MMP16: variants seen among roughly 807,000 people sequenced by gnomAD.
MMP16 encodes the protein matrix metalloproteinase-16.
A neutral mutation model predicts 67.8 loss-of-function variants in MMP16; 12 were observed. That is an observed-to-expected ratio of 0.18 (90% CI 0.11 to 0.29). The LOEUF is 0.29. MMP16 is among the 10% of genes least tolerant of loss of function. The pLI is 1.00. For synonymous variants in MMP16, 249 were observed against 255.9 expected (o/e 0.97, Z 0.26); for missense variants, 475 against 765.7 (o/e 0.62, Z 4.48).
intron 7 of MMP16, among the ~76,000 whole-genome samples, chr8:88,065,363 T>C (rs993556305): frequency 6.6e-6 from 1 of 152,066 alleles, no homozygotes; most frequent in Non-Finnish European, 1.5e-5. Flanking sequence ...AAAATAGACA[T>C]AATAAAACTA....
chr8:88,182,305 A>G (rs1268624209), intron 3 of MMP16, among the ~76,000 whole-genome samples: 1 of 152,170 alleles, frequency 6.6e-6, no homozygotes, highest in Non-Finnish European at 1.5e-5. Flanking sequence ...CAAGCAAGTC[A>G]GTTAAAAATT....
chr8:88,065,632 T>TA (rs28991892), intron 7 of MMP16, among the ~76,000 whole-genome samples: 193 of 152,222 alleles, frequency 1.3e-3, no homozygotes, highest in Middle Eastern at 0.01. Context: ...TTACATCCTA[T>TA]AAAGAAATAA....
In MMP16 at chr8:88,174,614, A is replaced by T. The variant is rs578205379; in HGVS notation, c.405-6641T>A. Among the ~76,000 whole-genome samples, 4 of 152,250 alleles carry T rather than the reference A, an allele frequency of 2.6e-5. No individual in the cohort carries two copies. The East Asian group carries it at 7.7e-4, about 29-fold the overall frequency. ...ATTTTCCAATCATTTAAAACATTAG[A>T]TTTTTCTGAAAGCCTTTAACAATTT... On this transcript the variant is annotated intron_variant, in intron 3 of 9. Coordinates refer to ENST00000286614, the MANE Select transcript of MMP16 (RefSeq NM_005941.5).
intron 4 of MMP16, among the ~76,000 whole-genome samples, chr8:88,126,061 T>C (rs1807925649): frequency 6.6e-6 from 1 of 151,916 alleles, no homozygotes; most frequent in Non-Finnish European, 1.5e-5. Flanking sequence ...ATCCTGGTAA[T>C]ATGTGCCACT....
Position 88,240,770 on chromosome 8 carries a change from A to C in MMP16, c.133-43464T>G, listed in dbSNP as rs192686912. On this transcript the variant is annotated intron_variant, in intron 1 of 9. Coordinates refer to ENST00000286614, the MANE Select transcript of MMP16 (RefSeq NM_005941.5). ...AAAATATCCTCTTATCATTAGTTCC[A>C]CATCTAGTATCTAAAATTACCTATT... 4.9e-3 allele frequency among the ~76,000 whole-genome samples: 742 copies of C among 152,072 alleles called. 3 individuals are homozygous for C. Among genetic ancestry groups the C allele is most frequent in the Non-Finnish European group, 6.2e-3 (420 of 67,992 alleles).
Position 88,033,253 on chromosome 8 carries a change from C to G in MMP16, c.*8208G>C, listed in dbSNP as rs1398474567. 1.3e-5 allele frequency: 2 copies of G among 150,026 alleles called. No individual in the cohort carries two copies. The allele number at this position is 150,026 out of a possible 1,614,324, so 9.3% of individuals were successfully genotyped here. On this transcript the variant is annotated 3_prime_UTR_variant, in exon 10 of 10. Coordinates refer to ENST00000286614, the MANE Select transcript of MMP16 (RefSeq NM_005941.5). ...AAATATATGGTATTTATTTGACAAA[C>G]TAAGTTTATGGGAGCTTTTTCTCCT...
intron 1 of MMP16, among the ~76,000 whole-genome samples, chr8:88,246,120 C>T (rs996465925): frequency 2.6e-5 from 4 of 152,034 alleles, no homozygotes; most frequent in Admixed American, 6.6e-5. Context: ...ATCCAATCTC[C>T]GTATGTGACA....
chr8:88,326,041 T>C (rs924518448), intron 1 of MMP16, among the ~76,000 whole-genome samples: 7 of 152,144 alleles, frequency 4.6e-5, no homozygotes, highest in Admixed American at 1.3e-4. Flanking sequence ...ATATCAACAA[T>C]ATAAGAAAAA....
At position 88,327,317 on chromosome 8, in the gene MMP16, G is replaced by A; in HGVS notation, c.-111C>T. ...AAAAAGTCCTCCGGGTGGGTAAGGA[G>A]CCTGCAGGTTCACCCACAGCCGGGC... On this transcript the variant is annotated 5_prime_UTR_variant, in exon 1 of 10. Coordinates refer to ENST00000286614, the MANE Select transcript of MMP16 (RefSeq NM_005941.5). 1 of 1,450,846 alleles carries A rather than the reference G, an allele frequency of 6.9e-7. No individual in the cohort carries two copies. The highest frequency in any genetic ancestry group is 1.2e-5 in the South Asian group (1 of 82,144). The allele number at this position is 1,450,846 out of a possible 1,614,324, so 89.9% of individuals were successfully genotyped here.
At chr8:88,239,287 G>A (rs1213222536) in intron 1 of MMP16, among the ~76,000 whole-genome samples, 14 of 67,328 alleles carry the variant, frequency 2.1e-4, no homozygotes, top group Non-Finnish European at 3.1e-4. Flanking sequence ...AGAGACAGAC[G>A]CAGTCTCAAA....
intron 1 of MMP16, among the ~76,000 whole-genome samples, chr8:88,237,630 C>G (rs1809963684): frequency 6.6e-6 from 1 of 151,274 alleles, no homozygotes; most frequent in South Asian, 2.1e-4. Context: ...GCCTGGGCGA[C>G]AGAGTGAGAC....
At chr8:88,145,731 C>A (rs1487612990) in intron 4 of MMP16, among the ~76,000 whole-genome samples, 1 of 152,002 alleles carries the variant, frequency 6.6e-6, no homozygotes, top group Non-Finnish European at 1.5e-5. Flanking sequence ...AAGCAATCTT[C>A]TTAGTCTTCA....
At chr8:88,302,374 T>C (rs1811116707) in intron 1 of MMP16, among the ~76,000 whole-genome samples, 1 of 152,210 alleles carries the variant, frequency 6.6e-6, no homozygotes, top group Non-Finnish European at 1.5e-5. Context: ...CTCAGCTCTT[T>C]GTTTTTCTCA....
chr8:88,069,647 T>C (rs1183216389), intron 7 of MMP16: 1 of 382,172 alleles, frequency 2.6e-6, no homozygotes, highest in African/African-American at 2.2e-5. Flanking sequence ...TGTTCCTTTC[T>C]TGCAATGAGA....
chr8:88,301,910 C>T (rs1225682608), intron 1 of MMP16, among the ~76,000 whole-genome samples: 2 of 152,126 alleles, frequency 1.3e-5, no homozygotes, highest in Non-Finnish European at 2.9e-5. Context: ...TTATTTTTAT[C>T]AACAGTGAGA....
At chr8:88,149,445 A>T (rs1329253226) in intron 4 of MMP16, among the ~76,000 whole-genome samples, 2 of 152,196 alleles carry the variant, frequency 1.3e-5, no homozygotes, top group East Asian at 3.9e-4. Context: ...TAACCTCTGC[A>T]GACTTAAATG....
chr8:88,164,592 C>G (rs1808681873), intron 4 of MMP16, among the ~76,000 whole-genome samples: 1 of 151,984 alleles, frequency 6.6e-6, no homozygotes, highest in African/African-American at 2.4e-5. Context: ...TTAATGTCTC[C>G]CTAATCTCTT....
chr8:88,086,851 T>C (rs1808841926), intron 6 of MMP16, among the ~76,000 whole-genome samples: 1 of 151,934 alleles, frequency 6.6e-6, no homozygotes, highest in Admixed American at 6.6e-5. Context: ...TGTTTATTTG[T>C]TCACTTGCTT....
chr8:88,250,109 C>T (rs1301126682), intron 1 of MMP16, among the ~76,000 whole-genome samples: 1 of 152,042 alleles, frequency 6.6e-6, no homozygotes, highest in African/African-American at 2.4e-5. Flanking sequence ...GTAGAGAACT[C>T]TTATCCCATT....
Sources: gnomAD v4.1 joint callset for allele counts (sites outside exome capture counted in the v4.1 genomes callset) on GRCh38, gnomAD v4.1.1 for gene constraint, MANE v1.5 for transcripts, NCBI Gene and HGNC (gene_info 2026-07-23, HGNC 2026-07-21) for gene names.